Variants in VPS13B observed in about 807,000 individuals in gnomAD.
VPS13B encodes the protein intermembrane lipid transfer protein VPS13B.
In VPS13B, 285 loss-of-function variants were observed where a neutral mutation model predicts 426.4. The observed-to-expected ratio is 0.67, with a 90% CI of 0.61 to 0.74. The LOEUF is 0.74. VPS13B is among the 30% of genes least tolerant of loss of function. VPS13B has a pLI of 0.00. For synonymous variants in VPS13B, 1,676 were observed against 1,676.4 expected (o/e 1.00, Z 0.01); for missense variants, 4,537 against 4,782.6 (o/e 0.95, Z 1.51).
At chr8:99,307,362 A>C (rs1820697702) in intron 19 of VPS13B, among the ~76,000 whole-genome samples, 1 of 151,682 alleles carries the variant, frequency 6.6e-6, no homozygotes, top group Non-Finnish European at 1.5e-5. Flanking sequence ...CAGGCTTTAC[A>C]ACTTGTACAG....
chr8:99,160,650 C>CAAAAAA (rs780385149), intron 15 of VPS13B, among the ~76,000 whole-genome samples: 1 of 68,490 alleles, frequency 1.5e-5, no homozygotes, highest in African/African-American at 5.2e-5. Context: ...GACCCTGTCT[C>CAAAAAA]AAAAAAAAAA....
At chr8:99,079,779 C>G (rs1845344267) in intron 3 of VPS13B, among the ~76,000 whole-genome samples, 1 of 151,876 alleles carries the variant, frequency 6.6e-6, no homozygotes, top group Admixed American at 6.6e-5. Flanking sequence ...AGCTCATCAT[C>G]ATTTTTACTT....
At chr8:99,871,004 G>A in intron 60 of VPS13B, 117 bp downstream of exon 60, 3 of 1,020,272 alleles carry the variant, frequency 2.9e-6, no homozygotes, top group East Asian at 2.6e-5. Context: ...GCCATTGTTG[G>A]CACTGGCATC....
chr8:99,393,624 A>G (rs1814568980), intron 21 of VPS13B, among the ~76,000 whole-genome samples: 1 of 152,160 alleles, frequency 6.6e-6, no homozygotes, highest in Non-Finnish European at 1.5e-5. Context: ...TCAAGCTTGC[A>G]TAAAAATTAA....
chr8:99,795,156 G>A (rs1021329482), intron 43 of VPS13B, among the ~76,000 whole-genome samples: 12 of 152,108 alleles, frequency 7.9e-5, no homozygotes, highest in African/African-American at 2.7e-4. Context: ...TTAGCAGCAG[G>A]TAGAAGCTAG....
In VPS13B at chr8:99,741,827, G is replaced by A. The variant is rs1332620292; in HGVS notation, c.7050+20780G>A. Among the ~76,000 whole-genome samples the A allele has an allele frequency of 5.3e-5, 8 of 152,178 alleles. No homozygotes were observed. In the South Asian group the frequency reaches 6.2e-4, roughly 12 times the overall value. ...ATCTCTGGGACACATTCAAAGCAGTGTGTAGAGGGAAATTTATAGCACTAA... is the reference window on the plus strand; with the variant it reads ...ATCTCTGGGACACATTCAAAGCAGTATGTAGAGGGAAATTTATAGCACTAA... On this transcript the variant is annotated intron_variant, in intron 39 of 61. Coordinates refer to ENST00000357162, the MANE Select transcript of VPS13B (RefSeq NM_152564.5).
chr8:99,814,349 T>C (rs1442713165), intron 44 of VPS13B, among the ~76,000 whole-genome samples: 1 of 152,242 alleles, frequency 6.6e-6, no homozygotes, highest in African/African-American at 2.4e-5. Flanking sequence ...ATTTTATGTT[T>C]ATTGTTTCAC....
chr8:99,816,710 T>G (rs1276965357), intron 44 of VPS13B, among the ~76,000 whole-genome samples: 1 of 151,870 alleles, frequency 6.6e-6, no homozygotes, highest in Admixed American at 6.6e-5. Flanking sequence ...GAGGCTGAGG[T>G]GGGAGGATTG....
At chr8:99,823,138 A>G (rs963081577) in intron 50 of VPS13B, among the ~76,000 whole-genome samples, 2 of 152,184 alleles carry the variant, frequency 1.3e-5, no homozygotes, top group African/African-American at 4.8e-5. Flanking sequence ...GAGCAGCACC[A>G]CAGAGCCAGA....
At chr8:99,489,544 G>A (rs944604567) in intron 25 of VPS13B, among the ~76,000 whole-genome samples, 3 of 152,160 alleles carry the variant, frequency 2.0e-5, no homozygotes, top group African/African-American at 4.8e-5. Context: ...AATATAGAAC[G>A]CTTTTCCATT....
intron 52 of VPS13B, among the ~76,000 whole-genome samples, chr8:99,834,889 C>A (rs1467334299): frequency 6.6e-6 from 1 of 152,146 alleles, no homozygotes; most frequent in Non-Finnish European, 1.5e-5. Flanking sequence ...GAAGAAAGTA[C>A]CCTGCCTGGC....
chr8:99,347,106 G>A (rs1288918486), intron 19 of VPS13B: 1 of 152,762 alleles, frequency 6.5e-6, no homozygotes, highest in Non-Finnish European at 1.5e-5. Flanking sequence ...CTCAATATTA[G>A]TGTAGATCTG....
At chr8:99,660,379 A>C (rs1830176740) in intron 34 of VPS13B, among the ~76,000 whole-genome samples, 1 of 152,180 alleles carries the variant, frequency 6.6e-6, no homozygotes, top group African/African-American at 2.4e-5. Flanking sequence ...CCAATCAATA[A>C]AACCTAAAAT....
intron 34 of VPS13B, among the ~76,000 whole-genome samples, chr8:99,643,961 G>A (rs903739759): frequency 1.3e-5 from 2 of 152,144 alleles, no homozygotes; most frequent in Admixed American, 6.6e-5. Flanking sequence ...TCTGCTTGGC[G>A]TTAGCCAAAA....
At chr8:99,047,211 T>C (rs1312305550) in intron 3 of VPS13B, among the ~76,000 whole-genome samples, 2 of 152,136 alleles carry the variant, frequency 1.3e-5, no homozygotes, top group African/African-American at 4.8e-5. Context: ...TTGCTGCTTG[T>C]TACTGGTCTG....
chr8:99,873,986 G>A (rs1247840811), intron 61 of VPS13B, among the ~76,000 whole-genome samples: 6 of 152,220 alleles, frequency 3.9e-5, no homozygotes, highest in Non-Finnish European at 7.3e-5. Context: ...GAATTAATTT[G>A]TAGATGACAT....
chr8:99,718,026 T>C (rs1009416065), intron 37 of VPS13B, among the ~76,000 whole-genome samples: 1 of 152,148 alleles, frequency 6.6e-6, no homozygotes, highest in Admixed American at 6.5e-5. Context: ...TTTTGATTTC[T>C]CTTAGATATA....
chr8:99,874,251 C>A (rs1817578508), intron 61 of VPS13B, among the ~76,000 whole-genome samples: 2 of 152,170 alleles, frequency 1.3e-5, no homozygotes, highest in African/African-American at 4.8e-5. Flanking sequence ...TCAAAGCTTT[C>A]CAGCTGAATT....
rs1413821753 is a variant in VPS13B at position 99,853,485 on chromosome 8, A to G, written c.10096A>G (p.Ile3366Val). 1 of 1,614,208 alleles carries G rather than the reference A, an allele frequency of 6.2e-7. No individual in the cohort carries two copies. The highest frequency in any genetic ancestry group is 1.3e-5 in the African/African-American group (1 of 75,042). Residue 3366 changes from isoleucine (I) to valine (V), a missense_variant, in exon 56 of 62, where the codon ATC becomes GTC. Ile to Val is a conservative substitution (Grantham distance 29, BLOSUM62 3). Coordinates refer to ENST00000357162, the MANE Select transcript of VPS13B (RefSeq NM_152564.5). Reference sequence around the variant, plus strand: ...GAAGATTGTTACATTTAAAATGTTCATCACTCAGTTAAGCCTGGCAGTGTT... The same window carrying G: ...GAAGATTGTTACATTTAAAATGTTCGTCACTCAGTTAAGCCTGGCAGTGTT... Reference protein sequence around the residue: ...PEKIVTFKMFITQLSLAVFDD... With the variant: ...PEKIVTFKMFVTQLSLAVFDD...
Sources: allele counts gnomAD v4.1 joint callset (sites outside exome capture counted in the v4.1 genomes callset), GRCh38; gene constraint gnomAD v4.1.1; transcripts MANE v1.5; gene names NCBI Gene and HGNC (gene_info 2026-07-23, HGNC 2026-07-21).